UPF2: variants seen among roughly 807,000 people sequenced by gnomAD.
UPF2 encodes UPF2 regulator of nonsense mediated mRNA decay.
Under a neutral mutation model 141.4 loss-of-function variants are expected in UPF2, and 17 were observed. That is an observed-to-expected ratio of 0.12 (90% CI 0.08 to 0.18). The LOEUF (loss-of-function observed/expected upper bound fraction) is 0.18. Ranked by LOEUF, UPF2 falls within the 10% of genes least tolerant of loss-of-function variation. UPF2 has a pLI of 1.00. For synonymous variants in UPF2, 540 were observed against 498.0 expected, an observed-to-expected ratio of 1.08 and a Z score of -1.12; for missense variants, 1,152 against 1,515.9, an observed-to-expected ratio of 0.76 and a Z score of 3.99.
chr10:11,961,009 G>A (rs1174960090), intron 11 of UPF2, among the ~76,000 whole-genome samples: 1 of 150,872 alleles, frequency 6.6e-6, no homozygotes, highest in African/African-American at 2.4e-5. Flanking sequence ...AGGATCACTT[G>A]AGCCCAGGAG....
chr10:11,944,371 G>C (rs532476368), intron 16 of UPF2, among the ~76,000 whole-genome samples: 2 of 152,210 alleles, frequency 1.3e-5, no homozygotes, highest in East Asian at 3.9e-4. Flanking sequence ...GCAGGCACCT[G>C]TAATCCCAGC....
intron 2 of UPF2, among the ~76,000 whole-genome samples, chr10:12,033,817 G>C (rs1834571587): frequency 6.6e-6 from 1 of 152,094 alleles, no homozygotes; most frequent in Non-Finnish European, 1.5e-5. Context: ...CCAAAGGGCT[G>C]GGTTTACAGG....
At chr10:11,927,494 A>G (rs566681956) in intron 21 of UPF2, among the ~76,000 whole-genome samples, 3 of 152,356 alleles carry the variant, frequency 2.0e-5, no homozygotes, top group African/African-American at 4.8e-5. Context: ...AGATGTTATC[A>G]AGAACACTGT....
chr10:11,985,902 T>G, intron 8 of UPF2, among the ~76,000 whole-genome samples: 1 of 117,326 alleles, frequency 8.5e-6, no homozygotes, highest in African/African-American at 3.8e-5. Flanking sequence ...TTTTTTTTTG[T>G]GAGACGGAAT....
chr10:12,010,833 G>C (rs867386515), intron 4 of UPF2, among the ~76,000 whole-genome samples: 1 of 146,324 alleles, frequency 6.8e-6, no homozygotes, highest in Non-Finnish European at 1.5e-5. Flanking sequence ...AAAACAATGA[G>C]AGAAAAAAAT....
chr10:12,027,290 C>A (rs904027995), intron 3 of UPF2, among the ~76,000 whole-genome samples: 1 of 152,168 alleles, frequency 6.6e-6, no homozygotes, highest in African/African-American at 2.4e-5. Flanking sequence ...ATTAAAACAT[C>A]GTAGAATCTC....
intron 3 of UPF2, among the ~76,000 whole-genome samples, chr10:12,024,179 G>A (rs544791434): frequency 3.4e-4 from 51 of 152,190 alleles, no homozygotes; most frequent in African/African-American, 1.2e-3. Flanking sequence ...TACTAGATGA[G>A]AGGTGCAGTG....
Position 12,014,155 on chromosome 10 carries a change from C to G in UPF2, c.1175G>C (p.Ser392Thr). ...RRILHSKGELSEDRHKQYEEF... is the reference protein window; with the variant it reads ...RRILHSKGELTEDRHKQYEEF... ...CTCATACTGTTTATGTCTATCTTCA[C>G]TGAGCTCCCCTTTAGAATGTAGAAT... The change falls in exon 4 of 22, where the codon AGT becomes ACT. Residue 392 changes from serine (S) to threonine (T), a missense_variant. Transcript: ENST00000357604. The surrounding 1 kb of genome is among the most constrained non-coding windows in gnomAD (Gnocchi z 5.0). 6.5e-7 allele frequency: 1 copy of G among 1,529,696 alleles called. No homozygotes were observed. Among genetic ancestry groups the G allele is most frequent in the South Asian group, 1.3e-5 (1 of 78,846 alleles). 94.8% of individuals were successfully genotyped at this position (1,529,696 alleles called of 1,614,324 possible).
intron 3 of UPF2, among the ~76,000 whole-genome samples, chr10:12,027,371 C>T (rs370632966): frequency 6.6e-6 from 1 of 152,178 alleles, no homozygotes; most frequent in Non-Finnish European, 1.5e-5. Flanking sequence ...TAGCCAAGAA[C>T]TAATCAATCA....
At position 11,931,916 on chromosome 10, in the gene UPF2, C is replaced by G; in HGVS notation, c.3547-134G>C. The stretch of plus-strand genomic sequence containing the variant: ...CTGTAATCCCAGCACTTTGGGAGGC[C>G]GAGGCGGGCGGATCACGAGGTCAAG... On this transcript the variant is annotated intron_variant, in intron 19 of 21. Coordinates refer to ENST00000357604, the MANE Select transcript of UPF2 (RefSeq NM_015542.4). The surrounding 1 kb of genome is among the most constrained non-coding windows in gnomAD (Gnocchi z 5.9). The G allele has an allele frequency of 1.1e-6, 1 of 888,030 alleles. No individual in the cohort carries two copies. Among genetic ancestry groups the G allele is most frequent in the Non-Finnish European group, 1.6e-6 (1 of 617,336 alleles). The allele number at this position is 888,030 out of a possible 1,614,324, so 55.0% of individuals were successfully genotyped here.
At chr10:11,967,260 A>T in intron 10 of UPF2, 81 bp downstream of exon 10, 5 of 823,502 alleles carry the variant, frequency 6.1e-6, no homozygotes, top group Non-Finnish European at 8.8e-6. Context: ...ATCAAATATT[A>T]AATTATTTCA....
chr10:11,951,525 A>C (rs1372091553), intron 15 of UPF2, among the ~76,000 whole-genome samples: 3 of 152,180 alleles, frequency 2.0e-5, no homozygotes, highest in Admixed American at 1.3e-4. Flanking sequence ...TCCCCAAAAC[A>C]ACCTCAGGAT....
chr10:11,971,893 G>A (rs984901517), intron 9 of UPF2, among the ~76,000 whole-genome samples: 1 of 151,900 alleles, frequency 6.6e-6, no homozygotes, highest in South Asian at 2.1e-4. Flanking sequence ...GTAAAACCCT[G>A]TCTCTGCTAA....
intron 1 of UPF2, among the ~76,000 whole-genome samples, chr10:12,036,239 G>A (rs896560376): frequency 4.6e-5 from 7 of 152,178 alleles, no homozygotes; most frequent in African/African-American, 7.2e-5. Context: ...TGCTCTGTAG[G>A]AGGTTTAGCA....
chr10:12,028,760 G>A lies in UPF2; in HGVS notation c.1130C>T (p.Thr377Ile). The A allele has an allele frequency of 6.3e-7, 1 of 1,595,992 alleles. No homozygotes were observed. Among genetic ancestry groups the A allele is most frequent in the Non-Finnish European group, 8.5e-7 (1 of 1,173,184 alleles). ...TGAAAATCACCTGTTTTGTCTCTCAGTATTCTGGAGCTCCCTGTGGTCCCT... is the reference window on the plus strand; with the variant it reads ...TGAAAATCACCTGTTTTGTCTCTCAATATTCTGGAGCTCCCTGTGGTCCCT... The part of the protein sequence containing the change: ...LKRDHRELQN[T>I]ERQNRRILHS... Residue 377 changes from threonine (T) to isoleucine (I), a missense_variant, in exon 3 of 22, where the codon ACT becomes ATT. Thr to Ile is a moderately conservative substitution (Grantham distance 89, BLOSUM62 -1). Transcript: ENST00000357604.
intron 21 of UPF2, among the ~76,000 whole-genome samples, chr10:11,924,474 G>C (rs1832685931): frequency 6.6e-6 from 1 of 152,142 alleles, no homozygotes; most frequent in Admixed American, 6.5e-5. Flanking sequence ...CAGCCACTCG[G>C]GAGGCTAACA....
intron 21 of UPF2, among the ~76,000 whole-genome samples, chr10:11,922,057 G>A (rs1301087533): frequency 6.6e-6 from 1 of 152,150 alleles, no homozygotes; most frequent in Non-Finnish European, 1.5e-5. Flanking sequence ...GGGGGAAAAG[G>A]CCACGTGAAG....
At chr10:11,985,048 A>G (rs562489390) in intron 8 of UPF2, among the ~76,000 whole-genome samples, 1 of 152,306 alleles carries the variant, frequency 6.6e-6, no homozygotes, top group East Asian at 1.9e-4. Flanking sequence ...GTTTTGTGCT[A>G]CCTGTTCAGG....
intron 16 of UPF2, among the ~76,000 whole-genome samples, chr10:11,946,969 AG>A (rs1257527019): frequency 2.0e-5 from 3 of 152,266 alleles, no homozygotes; most frequent in African/African-American, 7.2e-5. Flanking sequence ...TGGAAGGCCA[AG>A]GTGGGGGGAT....
Sources: gnomAD v4.1 joint callset for allele counts (sites outside exome capture counted in the v4.1 genomes callset) on GRCh38, gnomAD v4.1.1 for gene constraint, Gnocchi (gnomAD v3.1) non-coding constraint, MANE v1.5 for transcripts, NCBI Gene and HGNC (gene_info 2026-07-23, HGNC 2026-07-21) for gene names.